The following SETBP1 variants were observed in gnomAD, a reference collection of about 807,000 sequenced individuals.
SETBP1 encodes the protein SET-binding protein.
In SETBP1, 9 loss-of-function variants were observed where a neutral mutation model predicts 101.0. The ratio of observed to expected loss-of-function variants is 0.09; its 90% CI spans 0.05 to 0.16. The LOEUF is 0.16. Ranked by LOEUF, SETBP1 falls within the 10% of genes least tolerant of loss-of-function variation. SETBP1 has a pLI of 1.00. For missense variants in SETBP1, 1,858 were observed against 2,033.8 expected (o/e 0.91, Z 1.66); for synonymous variants, 818 against 788.5 (o/e 1.04, Z -0.63).
At chr18:44,681,505 C>G (rs941097029) in intron 1 of SETBP1, among the ~76,000 whole-genome samples, 30 of 151,888 alleles carry the variant, frequency 2.0e-4, no homozygotes, top group Admixed American at 3.3e-4. Flanking sequence ...AGTTAACTGC[C>G]GAAATACTGT....
chr18:44,696,679 A>G (rs939538979), intron 1 of SETBP1, among the ~76,000 whole-genome samples: 6 of 152,200 alleles, frequency 3.9e-5, no homozygotes, highest in Non-Finnish European at 5.9e-5. Context: ...ATGGCTCTGC[A>G]GGGCAAAATT....
At chr18:44,924,350 T>C (rs1205306751) in intron 3 of SETBP1, among the ~76,000 whole-genome samples, 1 of 152,170 alleles carries the variant, frequency 6.6e-6, no homozygotes. Context: ...AGGGGAGCTC[T>C]AGAAGAAATG....
intron 2 of SETBP1, among the ~76,000 whole-genome samples, chr18:44,710,426 G>T (rs144776894): frequency 6.7e-6 from 1 of 149,366 alleles, no homozygotes. Flanking sequence ...ACAGCACAAG[G>T]CCTTGAAGCC....
At chr18:45,060,332 A>G (rs1271465357) in intron 5 of SETBP1, among the ~76,000 whole-genome samples, 1 of 152,154 alleles carries the variant, frequency 6.6e-6, no homozygotes, top group Non-Finnish European at 1.5e-5. Context: ...CTCCAAAATG[A>G]TTATAACAAT....
At chr18:44,732,007 A>G (rs745526802) in intron 2 of SETBP1, among the ~76,000 whole-genome samples, 6 of 152,128 alleles carry the variant, frequency 3.9e-5, no homozygotes, top group Non-Finnish European at 7.4e-5. Flanking sequence ...ATTTTTCTTT[A>G]TTATGAAATA....
chr18:44,868,671 A>G (rs1235479001), intron 2 of SETBP1, among the ~76,000 whole-genome samples: 2 of 108,910 alleles, frequency 1.8e-5, no homozygotes, highest in Non-Finnish European at 4.1e-5. Context: ...CTCCAGCGAG[A>G]GAGAGAGAGA....
intron 4 of SETBP1, among the ~76,000 whole-genome samples, chr18:44,960,978 G>A (rs999096393): frequency 6.6e-6 from 1 of 152,214 alleles, no homozygotes; most frequent in Non-Finnish European, 1.5e-5. Flanking sequence ...TTGCCTCCAG[G>A]CACTGAGAGG....
At chr18:44,817,352 G>T (rs145470287) in intron 2 of SETBP1, among the ~76,000 whole-genome samples, 1 of 151,992 alleles carries the variant, frequency 6.6e-6, no homozygotes, top group Non-Finnish European at 1.5e-5. Flanking sequence ...AGTCTCTGTC[G>T]TTGTCAGACC....
At chr18:45,025,894 A>T (rs143792995) in intron 4 of SETBP1, among the ~76,000 whole-genome samples, 2 of 152,214 alleles carry the variant, frequency 1.3e-5, no homozygotes, top group East Asian at 3.9e-4. Context: ...CAAGCCAGTA[A>T]ATGTGCATTT....
At chr18:44,971,013 C>A (rs949838960) in intron 4 of SETBP1, among the ~76,000 whole-genome samples, 2 of 151,830 alleles carry the variant, frequency 1.3e-5, no homozygotes, top group African/African-American at 4.8e-5. Flanking sequence ...TGCTATGCCT[C>A]CCCCCTCTCC....
intron 4 of SETBP1, among the ~76,000 whole-genome samples, chr18:45,006,634 C>G (rs2072733824): frequency 6.6e-6 from 1 of 152,180 alleles, no homozygotes; most frequent in African/African-American, 2.4e-5. Context: ...GCCCTGTGTA[C>G]AGGCCTGTGT....
chr18:44,693,473 C>T (rs965715385), intron 1 of SETBP1, among the ~76,000 whole-genome samples: 2 of 152,148 alleles, frequency 1.3e-5, no homozygotes, highest in Non-Finnish European at 2.9e-5. Context: ...GTTTGCGATG[C>T]TCAGGGAAGA....
intron 1 of SETBP1, among the ~76,000 whole-genome samples, chr18:44,690,646 G>A (rs2068914826): frequency 6.6e-6 from 1 of 152,192 alleles, no homozygotes. Flanking sequence ...AACATTTGGA[G>A]TCAGACACAA....
intron 2 of SETBP1, among the ~76,000 whole-genome samples, chr18:44,765,176 G>T (rs1031684983): frequency 6.6e-6 from 1 of 152,044 alleles, no homozygotes; most frequent in Non-Finnish European, 1.5e-5. Flanking sequence ...CACTTTCCTT[G>T]TGTGTTGAAT....
At chr18:45,028,281 A>T (rs1187826029) in intron 4 of SETBP1, among the ~76,000 whole-genome samples, 14 of 150,954 alleles carry the variant, frequency 9.3e-5, no homozygotes, top group Admixed American at 3.3e-4. Context: ...TGTTCTTGTG[A>T]TAGTTTACTG....
chr18:44,859,256 G>A (rs1468700332), intron 2 of SETBP1, among the ~76,000 whole-genome samples: 1 of 152,196 alleles, frequency 6.6e-6, no homozygotes, highest in East Asian at 1.9e-4. Flanking sequence ...AGATCAAGAT[G>A]GCAGAGACAA....
chr18:45,025,122 C>T lies in SETBP1; in HGVS notation c.4001-13363C>T, dbSNP rs74898872. On this transcript the variant is annotated intron_variant, in intron 4 of 5. Transcript: ENST00000649279. ...AGTCTATTGAGTACAGAGTATCAGCCGAGGAAGGCAGCTGGGGTTTCAAGG... is the reference window on the plus strand; with the variant it reads ...AGTCTATTGAGTACAGAGTATCAGCTGAGGAAGGCAGCTGGGGTTTCAAGG... Among the ~76,000 whole-genome samples the T allele has an allele frequency of 4.4e-3, 670 of 152,184 alleles. 17 individuals carry two copies. Among genetic ancestry groups the T allele is most frequent in the East Asian group, 0.037 (189 of 5,172 alleles).
At chr18:44,754,225 T>C (rs1487412514) in intron 2 of SETBP1, among the ~76,000 whole-genome samples, 2 of 152,206 alleles carry the variant, frequency 1.3e-5, no homozygotes, top group African/African-American at 4.8e-5. Flanking sequence ...AGCTACTCTC[T>C]TTATGCATGT....
intron 2 of SETBP1, among the ~76,000 whole-genome samples, chr18:44,848,306 T>C (rs1050847687): frequency 2.6e-5 from 4 of 152,104 alleles, no homozygotes; most frequent in African/African-American, 9.7e-5. Flanking sequence ...ATTATTACAA[T>C]TGATGGAAGG....
Sources: gnomAD v4.1 joint callset for allele counts (sites outside exome capture counted in the v4.1 genomes callset) on GRCh38, gnomAD v4.1.1 for gene constraint, MANE v1.5 for transcripts, NCBI Gene and HGNC (gene_info 2026-07-23, HGNC 2026-07-21) for gene names.